The following DIP2C variants were observed in gnomAD, a reference collection of about 807,000 sequenced individuals.
The protein encoded by DIP2C is DIP2 acetate--CoA ligase C (putative), also known as disco-interacting protein 2 homolog C.
A neutral mutation model predicts 192.4 loss-of-function variants in DIP2C; 33 were observed. The ratio of observed to expected loss-of-function variants is 0.17; its 90% confidence interval spans 0.13 to 0.23. DIP2C has a LOEUF of 0.23. Among genes scored for constraint, DIP2C ranks in the 10% least tolerant of loss-of-function variants. DIP2C has a pLI of 1.00. For synonymous variants in DIP2C, 979 were observed against 864.1 expected (o/e 1.13, Z -2.33); for missense variants, 1,537 against 2,110.1 (o/e 0.73, Z 5.32).
chr10:308,263 C>T (rs1042258633), intron 32 of DIP2C, among the ~76,000 whole-genome samples: 1 of 152,100 alleles, frequency 6.6e-6, no homozygotes, highest in African/African-American at 2.4e-5. Context: ...GGCCAGCTAG[C>T]AGCGACGGTC....
At chr10:368,945 G>A (rs1044103629) in intron 18 of DIP2C, among the ~76,000 whole-genome samples, 2 of 152,274 alleles carry the variant, frequency 1.3e-5, no homozygotes, top group African/African-American at 2.4e-5. Context: ...GAGGTGCCTG[G>A]GCGCTCCTCG....
intron 4 of DIP2C, among the ~76,000 whole-genome samples, chr10:440,021 A>G (rs1460892505): frequency 1.3e-5 from 2 of 152,214 alleles, no homozygotes; most frequent in Non-Finnish European, 2.9e-5. Context: ...CACAGAAACT[A>G]AACACCAAAC....
intron 31 of DIP2C, among the ~76,000 whole-genome samples, chr10:321,366 G>A (rs1027370288): frequency 1.3e-5 from 2 of 152,244 alleles, no homozygotes; most frequent in African/African-American, 2.4e-5. Flanking sequence ...CCCTCTGACC[G>A]TGATGCCCTT....
chr10:500,606 CAA>C (rs964462545), intron 1 of DIP2C, among the ~76,000 whole-genome samples: 1 of 152,210 alleles, frequency 6.6e-6, no homozygotes, highest in African/African-American at 2.4e-5. Context: ...CTACACAAAA[CAA>C]AGTGCACACG....
chr10:599,832 C>A (rs1046733748), intron 1 of DIP2C, among the ~76,000 whole-genome samples: 2 of 152,204 alleles, frequency 1.3e-5, no homozygotes, highest in African/African-American at 2.4e-5. Context: ...AACAGACTTT[C>A]CTCCATGCAC....
At chr10:580,643 C>A (rs527546832) in intron 1 of DIP2C, among the ~76,000 whole-genome samples, 1 of 152,264 alleles carries the variant, frequency 6.6e-6, no homozygotes, top group African/African-American at 2.4e-5. Flanking sequence ...ACACCACATA[C>A]AAGTACACAT....
intron 8 of DIP2C, among the ~76,000 whole-genome samples, chr10:411,253 G>C (rs754154430): frequency 1.3e-5 from 2 of 152,240 alleles, no homozygotes; most frequent in African/African-American, 4.8e-5. Context: ...CCAGATGAAC[G>C]TATAGGTCTC....
At chr10:671,055 G>C (rs1435567926) in intron 1 of DIP2C, among the ~76,000 whole-genome samples, 1 of 152,260 alleles carries the variant, frequency 6.6e-6, no homozygotes, top group East Asian at 1.9e-4. Flanking sequence ...GCTTCAGGAA[G>C]AGCTGGGTGG....
At chr10:279,014 G>T (rs528414867) in intron 36 of DIP2C, among the ~76,000 whole-genome samples, 1 of 152,324 alleles carries the variant, frequency 6.6e-6, no homozygotes, top group South Asian at 2.1e-4. Flanking sequence ...TTCTAAGTGG[G>T]AGAGTAAGTC....
chr10:590,121 CCA>C lies in DIP2C; in HGVS notation c.85+99371_85+99372del, dbSNP rs532745612. ...GAGGTCCCGGGAGTGACGTGATAAACCACAGTGAGAGGCACGGAACTGTGAAA... is the reference window on the plus strand; with the variant it reads ...GAGGTCCCGGGAGTGACGTGATAAACCAGTGAGAGGCACGGAACTGTGAAA... On this transcript the variant is annotated intron_variant, in intron 1 of 36. Coordinates refer to ENST00000280886, the MANE Select transcript of DIP2C (RefSeq NM_014974.3). Among the ~76,000 whole-genome samples the C allele has an allele frequency of 6.5e-4, 99 of 152,360 alleles. No individual in the cohort carries two copies. The Middle Eastern group carries it at 0.01, about 16-fold the overall frequency.
At chr10:362,932 A>T (rs1272947411) in intron 21 of DIP2C, among the ~76,000 whole-genome samples, 1 of 152,180 alleles carries the variant, frequency 6.6e-6, no homozygotes, top group Non-Finnish European at 1.5e-5. Context: ...AGAAAAGATA[A>T]CATGTTCTCA....
At chr10:413,872 G>C (rs758192439) in intron 8 of DIP2C, 41 bp downstream of exon 8, 2 of 1,596,870 alleles carry the variant, frequency 1.3e-6, no homozygotes, top group Non-Finnish European at 1.7e-6. Context: ...GTGGCTGTGC[G>C]AGGGGGTGGG....
At chr10:645,192 G>A (rs1855385910) in intron 1 of DIP2C, among the ~76,000 whole-genome samples, 1 of 152,184 alleles carries the variant, frequency 6.6e-6, no homozygotes, top group Non-Finnish European at 1.5e-5. Context: ...GCATCCGTGG[G>A]GTCTTGAGGG....
chr10:672,902 A>AT (rs1047617408), intron 1 of DIP2C, among the ~76,000 whole-genome samples: 1 of 152,246 alleles, frequency 6.6e-6, no homozygotes, highest in Admixed American at 6.5e-5. Flanking sequence ...CATGACACAC[A>AT]TAAAAAAAAA....
chr10:351,446 C>T (rs558040572), intron 24 of DIP2C, among the ~76,000 whole-genome samples: 5 of 152,284 alleles, frequency 3.3e-5, no homozygotes, highest in East Asian at 1.9e-4. Flanking sequence ...ACCAGGGCTG[C>T]GGGGAGGCGG....
chr10:289,838 G>A (rs1955390684), intron 32 of DIP2C, among the ~76,000 whole-genome samples: 2 of 152,194 alleles, frequency 1.3e-5, no homozygotes, highest in South Asian at 4.1e-4. Context: ...AGTGTGGTAG[G>A]TGGCACCGGC....
intron 29 of DIP2C, among the ~76,000 whole-genome samples, chr10:337,935 G>A (rs61837315): frequency 6.7e-6 from 1 of 148,308 alleles, no homozygotes; most frequent in African/African-American, 2.5e-5. Flanking sequence ...GTATGTGTGT[G>A]CTGTGGAGGC....
At chr10:365,559 C>T (rs1960090805) in intron 19 of DIP2C, among the ~76,000 whole-genome samples, 1 of 152,190 alleles carries the variant, frequency 6.6e-6, no homozygotes, top group Non-Finnish European at 1.5e-5. Flanking sequence ...AAGTTCTAAA[C>T]ATTTAGGAAA....
intron 2 of DIP2C, among the ~76,000 whole-genome samples, chr10:481,594 A>T (rs1843613827): frequency 6.6e-6 from 1 of 152,268 alleles, no homozygotes; most frequent in Non-Finnish European, 1.5e-5. Context: ...TCAGTCATTA[A>T]TTAGCCCTTA....
Sources: allele counts gnomAD v4.1 joint callset (sites outside exome capture counted in the v4.1 genomes callset), GRCh38; gene constraint gnomAD v4.1.1; transcripts MANE v1.5; gene names NCBI Gene and HGNC (gene_info 2026-07-23, HGNC 2026-07-21).